Variants in DST observed in about 807,000 individuals in gnomAD.
The protein encoded by DST is bullous pemphigoid antigen.
A neutral mutation model predicts 875.2 loss-of-function variants in DST; 253 were observed. That is an observed-to-expected ratio of 0.29 (90% CI 0.26 to 0.32). The LOEUF (loss-of-function observed/expected upper bound fraction) is 0.32, where lower values mean the gene tolerates loss of function less well. DST is among the 10% of genes least tolerant of loss of function. The pLI is 1.00. For synonymous variants in DST, 3,124 were observed against 3,197.1 expected, an observed-to-expected ratio of 0.98 and a Z score of 0.77; for missense variants, 8,287 against 9,111.6, an observed-to-expected ratio of 0.91 and a Z score of 3.68.
In DST at chr6:56,871,789, A is replaced by T. The variant is rs956166521; in HGVS notation, c.418-20185T>A. Reference sequence around the variant, plus strand: ...TACAATTAAAAGTAAAAAAAAAAAAAAAAAAAGAAAAAGAAAAGAGGTGTG... The same window carrying T: ...TACAATTAAAAGTAAAAAAAAAAAATAAAAAAGAAAAAGAAAAGAGGTGTG... On this transcript the variant is annotated intron_variant, in intron 3 of 103. Coordinates refer to ENST00000680361, the MANE Select transcript of DST (RefSeq NM_001374736.1). 18 of 338,974 alleles carry T rather than the reference A, an allele frequency of 5.3e-5. 1 individual carries two copies. In the South Asian group the frequency reaches 5.4e-4, roughly 10 times the overall value. 21.0% of individuals were successfully genotyped at this position (338,974 alleles called of 1,614,324 possible).
At chr6:56,885,066 T>C (rs1592075709) in intron 3 of DST, among the ~76,000 whole-genome samples, 1 of 152,210 alleles carries the variant, frequency 6.6e-6, no homozygotes, top group African/African-American at 2.4e-5. Context: ...CAGCCATTTA[T>C]CCAACAAGTT....
chr6:56,863,781 G>A (rs1772549312), intron 3 of DST: 1 of 152,108 alleles, frequency 6.6e-6, no homozygotes, highest in South Asian at 2.1e-4. Context: ...GCACACCATA[G>A]AACATATGAC....
chr6:56,546,410 A>G (rs1010145304), intron 61 of DST, among the ~76,000 whole-genome samples: 4 of 140,182 alleles, frequency 2.9e-5, no homozygotes, highest in East Asian at 2.1e-4. Flanking sequence ...AAGTTCATTT[A>G]AAGAAAAGCT....
intron 4 of DST, among the ~76,000 whole-genome samples, chr6:56,828,664 C>T (rs1035880749): frequency 8.5e-5 from 13 of 152,262 alleles, no homozygotes; most frequent in Admixed American, 7.8e-4. Flanking sequence ...TTGCTTTTTC[C>T]TTTACTGACC....
At chr6:56,544,038 A>G (rs1486548849) in intron 61 of DST, among the ~76,000 whole-genome samples, 1 of 152,208 alleles carries the variant, frequency 6.6e-6, no homozygotes, top group Non-Finnish European at 1.5e-5. Flanking sequence ...CACAATATCA[A>G]TGCCAATTTT....
At chr6:56,951,951 A>T (rs1285045662) in intron 2 of DST, among the ~76,000 whole-genome samples, 1 of 152,168 alleles carries the variant, frequency 6.6e-6, no homozygotes, top group Non-Finnish European at 1.5e-5. Context: ...AGTTTCAGGA[A>T]CTAGCACCCA....
Position 56,606,615 on chromosome 6 carries a change from G to C in DST, c.8013C>G (p.Pro2671=), listed in dbSNP as rs1485785830. ...VSKENENSMV[P]QGAPVGSLSV... is the part of the protein sequence containing the mutation. Reference sequence around the variant, plus strand: ...TTAAGCTACCAACTGGTGCCCCCTGGGGAACCATGGAATTTTCATTCTCTT... The same window carrying C: ...TTAAGCTACCAACTGGTGCCCCCTGCGGAACCATGGAATTTTCATTCTCTT... The change falls in exon 40 of 104, where the codon CCC becomes CCG. Residue 2671 remains proline, a synonymous_variant. Coordinates refer to ENST00000680361, the MANE Select transcript of DST (RefSeq NM_001374736.1). The C allele has an allele frequency of 1.2e-6, 2 of 1,613,476 alleles. No individual in the cohort carries two copies. Among genetic ancestry groups the C allele is most frequent in the Non-Finnish European group, 1.7e-6 (2 of 1,179,594 alleles).
chr6:56,523,322 T>C (rs990909357), intron 69 of DST, among the ~76,000 whole-genome samples: 2 of 152,156 alleles, frequency 1.3e-5, no homozygotes, highest in Non-Finnish European at 2.9e-5. Context: ...CAATAGCGTA[T>C]CTTTTCAAAA....
rs1458960416 is a variant in DST, at chr6:56,755,337, G to A, written c.626-20048C>T. On this transcript the variant is annotated intron_variant, in intron 4 of 103. Transcript: ENST00000680361. ...ACTTTGATTATGTAAAATTTAAGAA[G>A]ACAATTGTAGGTAGCAGTAGCAGAA... Among the ~76,000 whole-genome samples, 4 of 152,138 alleles carry A rather than the reference G, an allele frequency of 2.6e-5. No individual in the cohort carries two copies. The East Asian group carries it at 7.7e-4, about 29-fold the overall frequency.
intron 62 of DST, 120 bp from the exon 63 acceptor site, chr6:56,535,412 C>T: frequency 8.1e-7 from 1 of 1,233,198 alleles, no homozygotes; most frequent in South Asian, 1.8e-5. Context: ...TTTTACTTTT[C>T]ACTTAAAATT....
At chr6:56,616,951 T>G in intron 36 of DST, 1 of 1,604,330 alleles carries the variant, frequency 6.2e-7, no homozygotes, top group Non-Finnish European at 8.5e-7. Context: ...CAGCCTGAGC[T>G]TCTAAAAATG....
chr6:56,507,873 T>C (rs949708405), intron 75 of DST, among the ~76,000 whole-genome samples: 2 of 151,942 alleles, frequency 1.3e-5, no homozygotes, highest in Admixed American at 6.6e-5. Context: ...TAAGAGCAGA[T>C]CTAGAGAGAA....
chr6:56,729,328 C>A (rs2099486676), intron 5 of DST, among the ~76,000 whole-genome samples: 1 of 152,148 alleles, frequency 6.6e-6, no homozygotes, highest in African/African-American at 2.4e-5. Flanking sequence ...CAGTGGCTCA[C>A]GCCTGTAATC....
Position 56,473,705 on chromosome 6 carries a change from A to T in DST, c.21994+168T>A, listed in dbSNP as rs538149155. On this transcript the variant is annotated intron_variant, in intron 93 of 103. Coordinates refer to ENST00000680361, the MANE Select transcript of DST (RefSeq NM_001374736.1). ...TGGGTATATTTTTTCTTTATTTTTA[A>T]ATAAGTTTCTACAATACTTGAGCAC... is the stretch of plus-strand genomic sequence containing the variant. Among the ~76,000 whole-genome samples the T allele has an allele frequency of 3.9e-5, 6 of 152,336 alleles. No homozygotes were observed. The South Asian group carries it at 1.2e-3, about 32-fold the overall frequency.
chr6:56,825,101 T>G (rs1471614974), intron 4 of DST, among the ~76,000 whole-genome samples: 3 of 151,738 alleles, frequency 2.0e-5, no homozygotes, highest in Admixed American at 6.6e-5. Flanking sequence ...ATGGTTGCCG[T>G]GTCTGTGTAG....
At chr6:56,611,672 T>A in intron 37 of DST, 76 bp from the exon 38 acceptor site, 1 of 1,070,416 alleles carries the variant, frequency 9.3e-7, no homozygotes, top group Non-Finnish European at 1.4e-6. Flanking sequence ...AAAAAGAAAT[T>A]AATCAAGCTT....
In DST at chr6:56,640,461, G is replaced by A. The variant is rs1232757907; in HGVS notation, c.2172C>T (p.Thr724=). ...TQSLNSGFAQ[T]LHPSLTSGLT... Reference sequence around the variant, plus strand: ...GCCCTGAGGTCAGACTAGGGTGTAAGGTCTGTGCAAATCCTGAGTTTAAAC... The same window carrying A: ...GCCCTGAGGTCAGACTAGGGTGTAAAGTCTGTGCAAATCCTGAGTTTAAAC... The change falls in exon 18 of 104, where the codon ACC becomes ACT. Residue 724 remains threonine, a synonymous_variant. Coordinates refer to ENST00000680361, the MANE Select transcript of DST (RefSeq NM_001374736.1). 2 of 1,614,064 alleles carry A rather than the reference G, an allele frequency of 1.2e-6. No homozygotes were observed. Among genetic ancestry groups the A allele is most frequent in the African/African-American group, 2.7e-5 (2 of 74,906 alleles).
chr6:56,561,404 C>T lies in DST; in HGVS notation c.14214G>A (p.Gln4738=). 1.9e-6 allele frequency: 3 copies of T among 1,613,866 alleles called. 1 individual carries two copies. The highest frequency in any genetic ancestry group is 2.2e-5 in the South Asian group (2 of 91,076). The stretch of plus-strand genomic sequence containing the variant: ...CAGTTTTGTTCATTTTCTGTAACCA[C>T]TGCATCATTGCACTTGATTCTTCCT... ...KAQEESSAMM[Q]WLQKMNKTAT... Residue 4738 remains glutamine (Q), a synonymous_variant, in exon 57 of 104, where the codon CAG becomes CAA. Transcript: ENST00000680361.
In DST at chr6:56,476,005, G is replaced by A. The variant is rs6928601; in HGVS notation, c.21864+144C>T. 0.31 allele frequency: 217,672 copies of A among 700,714 alleles called. 36,132 individuals carry two copies. The highest frequency in any genetic ancestry group is 0.48 in the African/African-American group (26,235 of 54,614). The allele number at this position is 700,714 out of a possible 1,614,324, so 43.4% of individuals were successfully genotyped here. On this transcript the variant is annotated intron_variant, in intron 92 of 103. Transcript: ENST00000680361. ...AGAGAGGTTTTAGGGCAGTTGCAGA[G>A]TTGGAAACACAGTTGTAAGGAGCTG...
Sources: gnomAD v4.1 joint callset for allele counts (sites outside exome capture counted in the v4.1 genomes callset) on GRCh38, gnomAD v4.1.1 for gene constraint, MANE v1.5 for transcripts, NCBI Gene and HGNC (gene_info 2026-07-23, HGNC 2026-07-21) for gene names.